VRK2: variants seen among roughly 807,000 people sequenced by gnomAD.
VRK2 encodes serine/threonine-protein kinase VRK2.
A neutral mutation model predicts 57.6 loss-of-function variants in VRK2; 60 were observed. The ratio of observed to expected loss-of-function variants is 1.04; its 90% CI spans 0.85 to 1.29. VRK2 has a LOEUF of 1.29. VRK2 is among the 50% of genes most tolerant of loss of function. The pLI is 0.00. For synonymous variants in VRK2, 231 were observed against 199.2 expected, an observed-to-expected ratio of 1.16 and a Z score of -1.35; for missense variants, 705 against 588.1, an observed-to-expected ratio of 1.20 and a Z score of -2.06.
chr2:58,152,924 A>G (rs1355407653), intron 12 of VRK2, among the ~76,000 whole-genome samples: 4 of 151,956 alleles, frequency 2.6e-5, no homozygotes, highest in Non-Finnish European at 5.9e-5. Context: ...CCTTATTAGG[A>G]TATCACCAAT....
At position 57,962,980 on chromosome 2, in the gene VRK2, C is replaced by T. The variant is rs537901693; in HGVS notation, c.-439+55141C>T. ...TGGGACAAAAAGCGTGGCACCAACT[C>T]ACCAGTAACGGCCAGCTTGCCAAGG... On this transcript the variant is annotated intron_variant, in intron 1 of 15. Coordinates refer to the VRK2 transcript ENST00000417641. 2.6e-5 allele frequency among the ~76,000 whole-genome samples: 4 copies of T among 152,306 alleles called. No individual in the cohort carries two copies. The East Asian group carries it at 5.8e-4, about 22-fold the overall frequency.
intron 1 of VRK2, among the ~76,000 whole-genome samples, chr2:57,955,053 A>G (rs1388822759): frequency 2.0e-5 from 3 of 152,208 alleles, no homozygotes; most frequent in South Asian, 4.1e-4. Context: ...GGGGTAACAG[A>G]GACAGCCTAT....
chr2:58,055,490 A>G (rs1676383736), intron 2 of VRK2, among the ~76,000 whole-genome samples: 1 of 152,178 alleles, frequency 6.6e-6, no homozygotes, highest in Non-Finnish European at 1.5e-5. Flanking sequence ...GAGAATTACT[A>G]CTTCGTGTAG....
At chr2:58,053,156 A>G (rs1213981865) in intron 2 of VRK2, among the ~76,000 whole-genome samples, 1 of 152,216 alleles carries the variant, frequency 6.6e-6, no homozygotes, top group Admixed American at 6.5e-5. Context: ...GATCTACTGC[A>G]GATTAGTATC....
chr2:58,113,080 G>A (rs1381140290), intron 7 of VRK2, among the ~76,000 whole-genome samples: 3 of 152,122 alleles, frequency 2.0e-5, no homozygotes, highest in Admixed American at 6.5e-5. Context: ...GGAGGCCAAG[G>A]GAGGCAGATC....
At chr2:57,987,180 C>CA (rs1262488115) in intron 1 of VRK2, among the ~76,000 whole-genome samples, 1 of 151,832 alleles carries the variant, frequency 6.6e-6, no homozygotes, top group Non-Finnish European at 1.5e-5. Context: ...TTATCAAAAT[C>CA]AAAAAATTCT....
rs565028679 is a variant in VRK2 at position 57,941,690 on chromosome 2, A to T, written c.-439+33851A>T. Among the ~76,000 whole-genome samples, 58 of 152,308 alleles carry T rather than the reference A, an allele frequency of 3.8e-4. 1 individual carries two copies. The South Asian group carries it at 0.011, about 28-fold the overall frequency. ...ATAAGCTTTTTTACTAAAGAGATCA[A>T]TCATTATGTGCATATTAAATTTGCA... On this transcript the variant is annotated intron_variant, in intron 1 of 15. Coordinates refer to the VRK2 transcript ENST00000417641.
chr2:58,126,316 ACTGT>A (rs1678339459), intron 8 of VRK2, among the ~76,000 whole-genome samples: 1 of 152,122 alleles, frequency 6.6e-6, no homozygotes, highest in Non-Finnish European at 1.5e-5. Flanking sequence ...GCCTGATCAG[ACTGT>A]CTGTTCTGTG....
intron 1 of VRK2, among the ~76,000 whole-genome samples, chr2:58,048,282 C>G (rs1043597848): frequency 2.5e-4 from 38 of 151,962 alleles, no homozygotes. Context: ...TAGTATTCTG[C>G]TAAGTTACAT....
chr2:58,073,934 A>C (rs2104014043), intron 2 of VRK2, among the ~76,000 whole-genome samples: 1 of 152,064 alleles, frequency 6.6e-6, no homozygotes. Context: ...GATTGGGCCC[A>C]CCCAGATTAA....
rs555686071 is a variant in VRK2 at position 58,117,411 on chromosome 2, G to C, written c.544-5690G>C. Among the ~76,000 whole-genome samples the C allele has an allele frequency of 1.5e-3, 223 of 152,234 alleles. 1 individual carries two copies. Among genetic ancestry groups the C allele is most frequent in the African/African-American group, 5.2e-3 (218 of 41,534 alleles). On this transcript the variant is annotated intron_variant, in intron 7 of 12. Coordinates refer to ENST00000340157, the MANE Select transcript of VRK2 (RefSeq NM_006296.7). Reference sequence around the variant, plus strand: ...GAGGCGATAAAAAGATTACAGGGTGGAGGAGCAGAGGCTGAGGAAGAATTG... The same window carrying C: ...GAGGCGATAAAAAGATTACAGGGTGCAGGAGCAGAGGCTGAGGAAGAATTG...
At chr2:57,939,410 T>C (rs1269865818) in intron 1 of VRK2, among the ~76,000 whole-genome samples, 3 of 152,182 alleles carry the variant, frequency 2.0e-5, no homozygotes, top group East Asian at 1.9e-4. Context: ...TCCTATATCA[T>C]CTCCAGCTAC....
At chr2:58,127,843 G>C (rs564281635) in intron 8 of VRK2, among the ~76,000 whole-genome samples, 6 of 152,200 alleles carry the variant, frequency 3.9e-5, no homozygotes, top group Non-Finnish European at 7.4e-5. Flanking sequence ...CTCGGTATAA[G>C]AAATAAACAG....
At chr2:58,129,336 A>C (rs1037259880) in intron 8 of VRK2, among the ~76,000 whole-genome samples, 2 of 152,206 alleles carry the variant, frequency 1.3e-5, no homozygotes, top group Non-Finnish European at 2.9e-5. Context: ...AATGAATGAA[A>C]ATATATTAAA....
At chr2:58,089,608 A>T (rs755929408) in intron 6 of VRK2, 23 bp from the exon 7 acceptor site, 115 of 1,474,172 alleles carry the variant, frequency 7.8e-5, no homozygotes, top group Non-Finnish European at 9.7e-5. Flanking sequence ...AGTAAACCTT[A>T]TTTTATCTAT....
At chr2:58,046,575 A>T, upstream of VRK2, 2 of 985,546 alleles carry the variant, frequency 2.0e-6, no homozygotes, top group Non-Finnish European at 2.4e-6. Flanking sequence ...GCCAGGGTGG[A>T]GGTAGTAACA....
intron 1 of VRK2, among the ~76,000 whole-genome samples, chr2:57,964,879 CAAAAAAAAAAAAA>C (rs540446220): frequency 2.1e-5 from 1 of 47,864 alleles, no homozygotes; most frequent in Non-Finnish European, 3.6e-5. Flanking sequence ...GAATCCATCT[CAAAAAAAAAAAAA>C]AAAAAAAAAA....
At chr2:57,934,878 T>C (rs985578548) in intron 1 of VRK2, among the ~76,000 whole-genome samples, 19 of 152,326 alleles carry the variant, frequency 1.2e-4, no homozygotes, top group Admixed American at 2.6e-4. Context: ...CACTTTTCAT[T>C]CATTTATTAC....
At chr2:58,089,059 A>T (rs1020056621) in intron 6 of VRK2, among the ~76,000 whole-genome samples, 1 of 152,186 alleles carries the variant, frequency 6.6e-6, no homozygotes, top group Non-Finnish European at 1.5e-5. Flanking sequence ...AGAATGCATT[A>T]ATTTTCTCAT....
Sources: allele counts gnomAD v4.1 joint callset (sites outside exome capture counted in the v4.1 genomes callset), GRCh38; gene constraint gnomAD v4.1.1; transcripts MANE v1.5; gene names NCBI Gene and HGNC (gene_info 2026-07-23, HGNC 2026-07-21).